CDH19: variants seen among roughly 807,000 people sequenced by gnomAD.
The protein encoded by CDH19 is cadherin-19.
CDH19 carries 67 observed loss-of-function variants against 64.2 expected under a neutral mutation model. That is an observed-to-expected ratio of 1.04 (90% confidence interval 0.86 to 1.28). The LOEUF (loss-of-function observed/expected upper bound fraction) is 1.28. Ranked by LOEUF, CDH19 falls within the 50% of genes most tolerant of loss-of-function variation. The probability of loss-of-function intolerance (pLI) is 0.00; values close to 1 mark genes in which losing one functional copy is unlikely to be tolerated. For missense variants in CDH19, 1,030 were observed against 929.0 expected (o/e 1.11, Z -1.41); for synonymous variants, 346 against 319.3 (o/e 1.08, Z -0.89).
At chr18:66,522,610 AATTTGACT>A (rs1243019942) in intron 9 of CDH19, among the ~76,000 whole-genome samples, 4 of 151,826 alleles carry the variant, frequency 2.6e-5, no homozygotes, top group Admixed American at 1.3e-4. Flanking sequence ...TTTTTTATAC[AATTTGACT>A]TTTTATCCTT....
At chr18:66,584,969 G>A (rs59526457) in intron 1 of CDH19, among the ~76,000 whole-genome samples, 2,340 of 151,916 alleles carry the variant, frequency 0.015, 57 homozygotes, top group African/African-American at 0.05. Context: ...TAGTTTTCAT[G>A]TACAATTAAA....
intron 3 of CDH19, among the ~76,000 whole-genome samples, chr18:66,557,800 GTGTATATATACA>G (rs1987573359): frequency 6.6e-6 from 1 of 151,578 alleles, no homozygotes; most frequent in African/African-American, 2.4e-5. Context: ...ATTTACATAT[GTGTATATATACA>G]TGTATATATA....
intron 11 of CDH19, among the ~76,000 whole-genome samples, chr18:66,506,034 G>C (rs1176129209): frequency 6.6e-6 from 1 of 151,960 alleles, no homozygotes; most frequent in Admixed American, 6.6e-5. Flanking sequence ...AGATGAACCT[G>C]CTGGACATCA....
intron 1 of CDH19, among the ~76,000 whole-genome samples, chr18:66,589,623 A>C: frequency 6.6e-6 from 1 of 151,392 alleles, no homozygotes; most frequent in East Asian, 1.9e-4. Context: ...TATCAAAAAT[A>C]ATACTTAGTA....
intron 8 of CDH19, among the ~76,000 whole-genome samples, chr18:66,531,741 AT>A (rs1986452622): frequency 6.6e-6 from 1 of 152,124 alleles, no homozygotes; most frequent in Non-Finnish European, 1.5e-5. Flanking sequence ...ATTCTGAAAA[AT>A]GGGTGTGATA....
Position 66,504,947 on chromosome 18 carries a change from T to G in CDH19, c.2184A>C (p.Ser728=), listed in dbSNP as rs558096351. Residue 728 remains serine (S), a synonymous_variant, in exon 12 of 12, where the codon TCA becomes TCC. Transcript: ENST00000262150. ...CTAAGGAGCTCAGGGATCCAGCTAATGACCCTGTTCCCTCAAAAGCGTAGG... is the reference window on the plus strand; with the variant it reads ...CTAAGGAGCTCAGGGATCCAGCTAAGGACCCTGTTCCCTCAAAAGCGTAGG... The part of the protein sequence containing the change: ...LQTYAFEGTG[S]LAGSLSSLES... 1.9e-6 allele frequency: 3 copies of G among 1,613,518 alleles called. No individual in the cohort carries two copies. The highest frequency in any genetic ancestry group is 1.7e-5 in the Admixed American group (1 of 59,862).
intron 1 of CDH19, among the ~76,000 whole-genome samples, chr18:66,597,316 C>T (rs1337469510): frequency 6.6e-6 from 1 of 151,872 alleles, no homozygotes; most frequent in Non-Finnish European, 1.5e-5. Flanking sequence ...TATCCACAAC[C>T]ATCTGATCTT....
chr18:66,545,714 G>T (rs891607887), intron 5 of CDH19, among the ~76,000 whole-genome samples: 6 of 152,090 alleles, frequency 3.9e-5, no homozygotes, highest in Non-Finnish European at 7.4e-5. Context: ...ATAAAGGTGG[G>T]AGAGTCTGCA....
intron 1 of CDH19, among the ~76,000 whole-genome samples, chr18:66,603,159 TTA>T (rs1448950655): frequency 1.3e-5 from 2 of 150,682 alleles, no homozygotes; most frequent in African/African-American, 2.4e-5. Context: ...GCTAAATATT[TTA>T]TGTTTTTATA....
intron 9 of CDH19, among the ~76,000 whole-genome samples, chr18:66,527,838 C>G (rs1412814018): frequency 1.3e-5 from 2 of 151,524 alleles, no homozygotes; most frequent in African/African-American, 4.9e-5. Flanking sequence ...ATAGAAGATG[C>G]AGTAAATTAA....
intron 1 of CDH19, among the ~76,000 whole-genome samples, chr18:66,594,822 A>T (rs1159281219): frequency 1.6e-5 from 2 of 125,338 alleles, no homozygotes; most frequent in Admixed American, 2.0e-4. Context: ...ACATGGACAC[A>T]GGAAGGGGAA....
chr18:66,553,069 C>A (rs148800947), intron 4 of CDH19, among the ~76,000 whole-genome samples: 2,903 of 134,264 alleles, frequency 0.022, 441 homozygotes, highest in Non-Finnish European at 0.023. Flanking sequence ...ATAAAGTCAA[C>A]CTGACTTGTT....
intron 9 of CDH19, among the ~76,000 whole-genome samples, chr18:66,528,039 T>C (rs958215584): frequency 6.6e-6 from 1 of 151,576 alleles, no homozygotes; most frequent in African/African-American, 2.4e-5. Context: ...ACATCTAATA[T>C]GTAAATTTGA....
Position 66,554,503 on chromosome 18 carries a change from G to A in CDH19, c.512C>T (p.Thr171Ile), listed in dbSNP as rs765184754. Residue 171 changes from threonine to isoleucine, a missense_variant, in exon 4 of 12, where the codon ACA (threonine) becomes ATA (isoleucine). Coordinates refer to ENST00000262150, the MANE Select transcript of CDH19 (RefSeq NM_021153.4). ...SPEGTLVIQV[T>I]ASDADDPSSG... ...TGAGGGATCGTCAGCATCACTTGCT[G>A]TCACCTGGATAACTAATGTTCCTAA... The A allele has an allele frequency of 9.9e-6, 16 of 1,610,920 alleles. No homozygotes were observed. Among genetic ancestry groups the A allele is most frequent in the Non-Finnish European group, 1.3e-5 (15 of 1,177,880 alleles).
intron 7 of CDH19, among the ~76,000 whole-genome samples, chr18:66,536,975 A>T (rs1986698832): frequency 6.6e-6 from 1 of 151,880 alleles, no homozygotes; most frequent in Admixed American, 6.6e-5. Flanking sequence ...TTTTCCCACT[A>T]ATCCAATTAA....
intron 9 of CDH19, among the ~76,000 whole-genome samples, chr18:66,523,445 C>T (rs1436116545): frequency 1.3e-5 from 2 of 152,104 alleles, no homozygotes; most frequent in African/African-American, 2.4e-5. Context: ...CTGCAGCATA[C>T]CCTATGGAAG....
intron 1 of CDH19, among the ~76,000 whole-genome samples, chr18:66,601,565 T>C (rs796827727): frequency 7.2e-5 from 11 of 152,124 alleles, no homozygotes; most frequent in African/African-American, 2.6e-4. Flanking sequence ...TTTTTAAAAA[T>C]GATGTTTTGC....
intron 9 of CDH19, among the ~76,000 whole-genome samples, chr18:66,525,690 C>T (rs2144400415): frequency 1.3e-5 from 2 of 152,170 alleles, no homozygotes; most frequent in South Asian, 4.1e-4. Context: ...ATTGACAGCC[C>T]TCAAACCATG....
At chr18:66,599,285 C>T (rs188396821) in intron 1 of CDH19, among the ~76,000 whole-genome samples, 6 of 151,758 alleles carry the variant, frequency 4.0e-5, no homozygotes, top group Admixed American at 2.6e-4. Flanking sequence ...TGAAGAATGA[C>T]TAAGTAATAT....
Sources: allele counts gnomAD v4.1 joint callset (sites outside exome capture counted in the v4.1 genomes callset), GRCh38; gene constraint gnomAD v4.1.1; transcripts MANE v1.5; gene names NCBI Gene and HGNC (gene_info 2026-07-23, HGNC 2026-07-21).